The following APBB2 variants were observed in gnomAD, a reference collection of about 807,000 sequenced individuals.
APBB2 encodes Fe65-like 1.
A neutral mutation model predicts 82.5 loss-of-function variants in APBB2; 38 were observed. The ratio of observed to expected loss-of-function variants is 0.46; its 90% confidence interval spans 0.36 to 0.60. APBB2 has a LOEUF of 0.60. Ranked by LOEUF, APBB2 falls within the 20% of genes least tolerant of loss-of-function variation. The pLI, the probability that APBB2 is intolerant of heterozygous loss-of-function variation, is 0.00. For missense variants in APBB2, 772 were observed against 972.3 expected, an observed-to-expected ratio of 0.79 and a Z score of 2.74; for synonymous variants, 341 against 368.2, an observed-to-expected ratio of 0.93 and a Z score of 0.85.
chr4:40,864,231 C>T (rs551488411), intron 12 of APBB2, among the ~76,000 whole-genome samples: 8 of 151,124 alleles, frequency 5.3e-5, no homozygotes, highest in Admixed American at 1.3e-4. Flanking sequence ...TCCAGCCTGG[C>T]GACAGAGTGA....
intron 12 of APBB2, among the ~76,000 whole-genome samples, chr4:40,853,436 C>T (rs1231745824): frequency 6.6e-6 from 1 of 151,790 alleles, no homozygotes; most frequent in African/African-American, 2.4e-5. Context: ...TTGAGTGCTC[C>T]ACTTCCTCAG....
intron 3 of APBB2, among the ~76,000 whole-genome samples, chr4:41,089,531 C>A (rs1740980894): frequency 6.6e-6 from 1 of 152,100 alleles, no homozygotes; most frequent in South Asian, 2.1e-4. Flanking sequence ...CCTGGGAGAA[C>A]ACCAACCTTT....
chr4:40,978,983 C>A (rs1797851786), intron 6 of APBB2, among the ~76,000 whole-genome samples: 1 of 151,762 alleles, frequency 6.6e-6, no homozygotes, highest in Non-Finnish European at 1.5e-5. Flanking sequence ...TAGAAAAGGC[C>A]CTAATACTGG....
intron 2 of APBB2, among the ~76,000 whole-genome samples, chr4:41,102,431 C>T (rs1306040581): frequency 6.6e-6 from 1 of 152,202 alleles, no homozygotes; most frequent in Non-Finnish European, 1.5e-5. Flanking sequence ...CACTGTATTA[C>T]CATACAGCAC....
In APBB2 at chr4:41,013,886, TCTG is replaced by T; in HGVS notation, c.529_531del (p.Gln177del). The T allele has an allele frequency of 6.2e-7, 1 of 1,614,204 alleles. No individual in the cohort carries two copies. The highest frequency in any genetic ancestry group is 1.1e-5 in the South Asian group (1 of 91,088). ...GCAGTCCCATGGTGATTGCCTCGGTTCTGCTCTAGTTCTCTGGCTGAGGTTTCC... is the reference window on the plus strand; with the variant it reads ...GCAGTCCCATGGTGATTGCCTCGGTTCTCTAGTTCTCTGGCTGAGGTTTCC... On this transcript the variant is annotated inframe_deletion, in exon 6 of 18. Transcript: ENST00000508593.
chr4:41,121,070 C>T (rs1045735474), intron 2 of APBB2, among the ~76,000 whole-genome samples: 1 of 152,200 alleles, frequency 6.6e-6, no homozygotes, highest in African/African-American at 2.4e-5. Flanking sequence ...ACAGTTTTAA[C>T]ATGCTCAACG....
chr4:41,013,272 C>T (rs1252172924), intron 6 of APBB2, among the ~76,000 whole-genome samples: 2 of 152,138 alleles, frequency 1.3e-5, no homozygotes, highest in Non-Finnish European at 2.9e-5. Flanking sequence ...TAGAAATGAT[C>T]TACCTATGCA....
intron 1 of APBB2, among the ~76,000 whole-genome samples, chr4:41,163,882 A>T (rs1765813306): frequency 6.6e-6 from 1 of 152,236 alleles, no homozygotes; most frequent in Non-Finnish European, 1.5e-5. Flanking sequence ...AACCTCAAAT[A>T]ACATACTTCT....
intron 1 of APBB2, among the ~76,000 whole-genome samples, chr4:41,191,549 G>C (rs1253861856): frequency 6.6e-6 from 1 of 152,186 alleles, no homozygotes; most frequent in African/African-American, 2.4e-5. Flanking sequence ...AACAGTACTA[G>C]GAAAACTGGA....
intron 17 of APBB2, among the ~76,000 whole-genome samples, chr4:40,816,944 A>G (rs1343057828): frequency 6.6e-6 from 1 of 152,234 alleles, no homozygotes; most frequent in East Asian, 1.9e-4. Context: ...TTTATGGATT[A>G]ATTTTTAAAA....
chr4:41,193,868 A>G, intron 1 of APBB2: 1 of 152,270 alleles, frequency 6.6e-6, no homozygotes, highest in South Asian at 2.1e-4. Context: ...ATAATGGAGA[A>G]GTAAAGATAA....
intron 17 of APBB2, among the ~76,000 whole-genome samples, chr4:40,817,199 G>A (rs1560592636): frequency 6.6e-6 from 1 of 152,206 alleles, no homozygotes; most frequent in East Asian, 1.9e-4. Context: ...CTTGAGCCCA[G>A]GAGTTTGAAA....
intron 1 of APBB2, among the ~76,000 whole-genome samples, chr4:41,169,835 A>G (rs1444034676): frequency 6.8e-6 from 1 of 146,674 alleles, no homozygotes; most frequent in Non-Finnish European, 1.5e-5. Context: ...GGGGGAAAAA[A>G]GGAAAGAAAA....
At chr4:40,906,031 A>G (rs1337608687) in intron 10 of APBB2, among the ~76,000 whole-genome samples, 1 of 152,152 alleles carries the variant, frequency 6.6e-6, no homozygotes, top group Non-Finnish European at 1.5e-5. Context: ...TAAGATATAC[A>G]TTTGTGTAGC....
intron 5 of APBB2, among the ~76,000 whole-genome samples, chr4:41,017,806 A>T (rs1810432860): frequency 6.6e-6 from 1 of 152,214 alleles, no homozygotes; most frequent in South Asian, 2.1e-4. Flanking sequence ...AAGAAGGAAC[A>T]AAGAAGTTGG....
intron 1 of APBB2, among the ~76,000 whole-genome samples, chr4:41,198,606 C>T: frequency 6.6e-6 from 1 of 152,160 alleles, no homozygotes; most frequent in African/African-American, 2.4e-5. Flanking sequence ...ACCCAGGATT[C>T]AAACGCAGGC....
intron 10 of APBB2, among the ~76,000 whole-genome samples, chr4:40,894,400 T>C (rs1241577308): frequency 2.0e-5 from 3 of 149,712 alleles, no homozygotes; most frequent in African/African-American, 5.1e-5. Flanking sequence ...TAGTGAGAAA[T>C]GCAACCCTGT....
At chr4:41,088,015 G>T (rs1207271824) in intron 3 of APBB2, among the ~76,000 whole-genome samples, 1 of 152,140 alleles carries the variant, frequency 6.6e-6, no homozygotes, top group Non-Finnish European at 1.5e-5. Flanking sequence ...CAGACAAGCT[G>T]AATCTATTCA....
intron 3 of APBB2, among the ~76,000 whole-genome samples, chr4:41,078,786 C>T (rs1232752086): frequency 6.6e-6 from 1 of 152,168 alleles, no homozygotes; most frequent in Non-Finnish European, 1.5e-5. Context: ...GACTTTTATC[C>T]TTATGTCGGG....
Sources: allele counts gnomAD v4.1 joint callset (sites outside exome capture counted in the v4.1 genomes callset), GRCh38; gene constraint gnomAD v4.1.1; transcripts MANE v1.5; gene names NCBI Gene and HGNC (gene_info 2026-07-23, HGNC 2026-07-21).